DLGAP1: variants seen among roughly 807,000 people sequenced by gnomAD.
DLGAP1 encodes the protein disks large-associated protein 1.
DLGAP1 carries 11 observed loss-of-function variants against 90.8 expected under a neutral mutation model. That is an observed-to-expected ratio of 0.12 (90% CI 0.08 to 0.20). The LOEUF (loss-of-function observed/expected upper bound fraction) is 0.20, where lower values mean the gene tolerates loss of function less well. DLGAP1 is among the 10% of genes least tolerant of loss of function. DLGAP1 has a pLI of 1.00. For missense variants in DLGAP1, 1,050 were observed against 1,333.8 expected (o/e 0.79, Z 3.31); for synonymous variants, 558 against 540.7 (o/e 1.03, Z -0.44).
At chr18:4,363,141 T>C (rs1489187700) in intron 1 of DLGAP1, among the ~76,000 whole-genome samples, 1 of 151,960 alleles carries the variant, frequency 6.6e-6, no homozygotes. Flanking sequence ...CTTGATAAGC[T>C]CCCCAATATT....
chr18:4,252,892 C>T (rs1466058719), intron 1 of DLGAP1, among the ~76,000 whole-genome samples: 2 of 152,200 alleles, frequency 1.3e-5, no homozygotes, highest in African/African-American at 4.8e-5. Flanking sequence ...AAGTCATATT[C>T]TTCTTACTTT....
intron 7 of DLGAP1, among the ~76,000 whole-genome samples, chr18:3,683,487 C>CT (rs1246744698): frequency 7.3e-5 from 11 of 151,612 alleles, no homozygotes; most frequent in Non-Finnish European, 1.0e-4. Context: ...AAGAGAGAAA[C>CT]TTTTTTTTTA....
At chr18:4,001,376 C>T (rs1436729406) in intron 3 of DLGAP1, among the ~76,000 whole-genome samples, 1 of 151,742 alleles carries the variant, frequency 6.6e-6, no homozygotes, top group Admixed American at 6.6e-5. Context: ...AAATTTTCTT[C>T]TGTTTTGTTT....
At chr18:4,243,785 T>C (rs1486707896) in intron 1 of DLGAP1, among the ~76,000 whole-genome samples, 1 of 152,142 alleles carries the variant, frequency 6.6e-6, no homozygotes, top group Non-Finnish European at 1.5e-5. Context: ...AGGTGTGTAG[T>C]TCTGATTTTT....
chr18:4,112,271 G>A (rs1367031075), intron 2 of DLGAP1, among the ~76,000 whole-genome samples: 4 of 151,660 alleles, frequency 2.6e-5, no homozygotes, highest in African/African-American at 9.7e-5. Context: ...ATTCTGTTGT[G>A]GTAAGAAAAA....
intron 1 of DLGAP1, among the ~76,000 whole-genome samples, chr18:4,178,062 C>T (rs1022728611): frequency 6.6e-6 from 1 of 152,228 alleles, no homozygotes; most frequent in Middle Eastern, 3.4e-3. Context: ...CAAATCCACA[C>T]CATCCACGTG....
chr18:4,267,640 C>T (rs975810169), intron 1 of DLGAP1, among the ~76,000 whole-genome samples: 8 of 152,192 alleles, frequency 5.3e-5, no homozygotes, highest in African/African-American at 1.4e-4. Flanking sequence ...CATTTATTAT[C>T]TCACCCAATT....
At chr18:3,741,354 CCA>C (rs1187592849) in intron 6 of DLGAP1, among the ~76,000 whole-genome samples, 3 of 145,068 alleles carry the variant, frequency 2.1e-5, no homozygotes, top group Admixed American at 6.8e-5. Flanking sequence ...ACCACCACCA[CCA>C]CATCACCATC....
At chr18:3,929,824 G>A (rs1407813134) in intron 3 of DLGAP1, among the ~76,000 whole-genome samples, 1 of 152,216 alleles carries the variant, frequency 6.6e-6, no homozygotes, top group Non-Finnish European at 1.5e-5. Context: ...AAAAAATAGT[G>A]TGAGGAACAT....
Position 3,879,877 on chromosome 18 carries a change from C to T in DLGAP1, c.192G>A (p.Pro64=), listed in dbSNP as rs760212147. ...TGCGGGGGAAGGTGCTGCTGGCCAG[C>T]GGGTCGCTGAAGGGGCCCACGCACT... ...QAECVGPFSD[P]LASSTFPRRH... The change falls in exon 4 of 13, where the codon CCG becomes CCA. Residue 64 remains proline, a synonymous_variant. Transcript: ENST00000315677. The surrounding 1 kb of genome is among the most constrained non-coding windows in gnomAD (Gnocchi z 6.6). 6 of 1,610,612 alleles carry T rather than the reference C, an allele frequency of 3.7e-6. No individual in the cohort carries two copies. The African/African-American group carries it at 5.3e-5, about 14-fold the overall frequency.
At chr18:4,071,237 CATGT>C (rs1356884116) in intron 2 of DLGAP1, among the ~76,000 whole-genome samples, 7 of 151,494 alleles carry the variant, frequency 4.6e-5, no homozygotes, top group South Asian at 2.1e-4. Flanking sequence ...TAAAGATATA[CATGT>C]GTGTGTGTGT....
chr18:4,298,421 C>T (rs1204606391), intron 1 of DLGAP1, among the ~76,000 whole-genome samples: 3 of 152,178 alleles, frequency 2.0e-5, no homozygotes, highest in Non-Finnish European at 2.9e-5. Context: ...GAAGCATATA[C>T]ACCATGGAAT....
At chr18:3,761,558 A>C (rs1007718799) in intron 5 of DLGAP1, among the ~76,000 whole-genome samples, 7 of 149,214 alleles carry the variant, frequency 4.7e-5, no homozygotes, top group African/African-American at 1.7e-4. Flanking sequence ...TATCTGTTTC[A>C]GTCCCTTCTT....
At chr18:4,442,839 C>A (rs1484442083) in intron 1 of DLGAP1, among the ~76,000 whole-genome samples, 2 of 152,194 alleles carry the variant, frequency 1.3e-5, no homozygotes, top group African/African-American at 4.8e-5. Flanking sequence ...TCTATTTTCT[C>A]CGACTGGGAC....
chr18:3,731,443 A>T (rs1267087829), intron 6 of DLGAP1, among the ~76,000 whole-genome samples: 1 of 151,926 alleles, frequency 6.6e-6, no homozygotes, highest in African/African-American at 2.4e-5. Context: ...TTTTTTTGAG[A>T]TAGGTTCTTG....
At chr18:3,745,923 A>T (rs1343163765) in intron 5 of DLGAP1, among the ~76,000 whole-genome samples, 1 of 152,114 alleles carries the variant, frequency 6.6e-6, no homozygotes, top group Non-Finnish European at 1.5e-5. Context: ...TCCTGACCTC[A>T]AGGGATCTGC....
intron 1 of DLGAP1, among the ~76,000 whole-genome samples, chr18:4,335,286 T>C (rs905034936): frequency 2.6e-5 from 4 of 151,906 alleles, no homozygotes; most frequent in Non-Finnish European, 5.9e-5. Flanking sequence ...ATGATAAAAG[T>C]GTAGCCAATC....
intron 1 of DLGAP1, among the ~76,000 whole-genome samples, chr18:4,181,208 G>A (rs2077202392): frequency 6.6e-6 from 1 of 152,070 alleles, no homozygotes; most frequent in African/African-American, 2.4e-5. Context: ...AAGATTATGG[G>A]AAGAATTAGA....
At chr18:4,267,763 G>A (rs34585463) in intron 1 of DLGAP1, among the ~76,000 whole-genome samples, 3,836 of 152,248 alleles carry the variant, frequency 0.025, 100 homozygotes, top group African/African-American at 0.062. Flanking sequence ...ACTAGGCTGT[G>A]GCACAAGGAT....
Sources: gnomAD v4.1 joint callset for allele counts (sites outside exome capture counted in the v4.1 genomes callset) on GRCh38, gnomAD v4.1.1 for gene constraint, Gnocchi (gnomAD v3.1) non-coding constraint, MANE v1.5 for transcripts, NCBI Gene and HGNC (gene_info 2026-07-23, HGNC 2026-07-21) for gene names.